MMP16: variants seen among roughly 807,000 people sequenced by gnomAD.
MMP16 encodes the protein matrix metallopeptidase 16, also known as matrix metalloproteinase-16.
A neutral mutation model predicts 67.8 loss-of-function variants in MMP16; 12 were observed. The ratio of observed to expected loss-of-function variants is 0.18; its 90% CI spans 0.11 to 0.29. MMP16 has a LOEUF of 0.29. Ranked by LOEUF, MMP16 falls within the 10% of genes least tolerant of loss-of-function variation. The pLI, the probability that MMP16 is intolerant of heterozygous loss-of-function variation, is 1.00. For synonymous variants in MMP16, 249 were observed against 255.9 expected (o/e 0.97, Z 0.26); for missense variants, 475 against 765.7 (o/e 0.62, Z 4.48).
intron 8 of MMP16, among the ~76,000 whole-genome samples, chr8:88,048,489 C>G (rs529531499): frequency 6.6e-6 from 1 of 152,146 alleles, no homozygotes; most frequent in Non-Finnish European, 1.5e-5. Flanking sequence ...AGTGATATCA[C>G]CTATTTCGGG....
intron 2 of MMP16, among the ~76,000 whole-genome samples, chr8:88,189,601 T>A (rs536195865): frequency 1.3e-5 from 2 of 152,338 alleles, no homozygotes; most frequent in Middle Eastern, 3.4e-3. Flanking sequence ...GTTCTGAGCA[T>A]GAAATGCCTT....
chr8:88,292,435 G>C lies in MMP16; in HGVS notation c.132+34640C>G, dbSNP rs146797641. ...CTTAACCCGTGTGAACACCAGGTGA[G>C]GGGCCCTCGCCACTAGGTGCAGCTA... On this transcript the variant is annotated intron_variant, in intron 1 of 9. Coordinates refer to ENST00000286614, the MANE Select transcript of MMP16 (RefSeq NM_005941.5). Among the ~76,000 whole-genome samples, 3 of 152,146 alleles carry C rather than the reference G, an allele frequency of 2.0e-5. No homozygotes were observed. In the South Asian group the frequency reaches 6.2e-4, roughly 32 times the overall value.
intron 4 of MMP16, among the ~76,000 whole-genome samples, chr8:88,119,985 G>A (rs898080773): frequency 2.0e-5 from 3 of 151,854 alleles, no homozygotes; most frequent in South Asian, 2.1e-4. Context: ...AAAGCCAGGC[G>A]AAAAACCAAC....
At position 88,159,207 on chromosome 8, in the gene MMP16, T is replaced by A. The variant is rs150977071; in HGVS notation, c.709+8462A>T. Among the ~76,000 whole-genome samples, 85 of 152,290 alleles carry A rather than the reference T, an allele frequency of 5.6e-4. 2 individuals carry two copies. The East Asian group carries it at 0.016, about 28-fold the overall frequency. On this transcript the variant is annotated intron_variant, in intron 4 of 9. Transcript: ENST00000286614. ...GTTTTTTCCAATTCTGTGAAGAAAG[T>A]CATTGGTAGCTTGAGGGGGATGGCA... is the stretch of plus-strand genomic sequence containing the variant.
At chr8:88,135,262 A>G (rs1186712859) in intron 4 of MMP16, among the ~76,000 whole-genome samples, 1 of 151,880 alleles carries the variant, frequency 6.6e-6, no homozygotes, top group Non-Finnish European at 1.5e-5. Flanking sequence ...AAACTCAAAA[A>G]TACAAATAGC....
chr8:88,167,614 G>C, intron 4 of MMP16, 55 bp downstream of exon 4: 1 of 1,465,368 alleles, frequency 6.8e-7, no homozygotes, highest in Non-Finnish European at 9.2e-7. Flanking sequence ...AAATCTCTTG[G>C]TTATTCTGAA....
chr8:88,223,487 T>C (rs1809718774), intron 1 of MMP16, among the ~76,000 whole-genome samples: 1 of 151,858 alleles, frequency 6.6e-6, no homozygotes, highest in Non-Finnish European at 1.5e-5. Context: ...ATGTGGCACA[T>C]ATATACCATG....
At chr8:88,291,519 T>A (rs1331486004) in intron 1 of MMP16, among the ~76,000 whole-genome samples, 3 of 152,162 alleles carry the variant, frequency 2.0e-5, no homozygotes, top group Non-Finnish European at 4.4e-5. Flanking sequence ...AGTCTAATGA[T>A]CATTGTTCAC....
chr8:88,223,560 G>A (rs2129852962), intron 1 of MMP16, among the ~76,000 whole-genome samples: 1 of 151,774 alleles, frequency 6.6e-6, no homozygotes, highest in South Asian at 2.1e-4. Context: ...GATGAAGCTG[G>A]AAACCATCAT....
chr8:88,193,005 A>G (rs184938595), intron 2 of MMP16, among the ~76,000 whole-genome samples: 1 of 152,236 alleles, frequency 6.6e-6, no homozygotes, highest in African/African-American at 2.4e-5. Flanking sequence ...GAGGTTCCTC[A>G]AAAAACTAAA....
At chr8:88,070,054 T>C (rs926039307) in intron 7 of MMP16, among the ~76,000 whole-genome samples, 1 of 152,166 alleles carries the variant, frequency 6.6e-6, no homozygotes, top group African/African-American at 2.4e-5. Context: ...ATCAATCAGA[T>C]TGTCTATAAA....
At chr8:88,107,618 T>C (rs1809264992) in intron 6 of MMP16, among the ~76,000 whole-genome samples, 1 of 151,218 alleles carries the variant, frequency 6.6e-6, no homozygotes, top group Non-Finnish European at 1.5e-5. Flanking sequence ...ATAGGATACA[T>C]CTTTCTATTT....
intron 1 of MMP16, among the ~76,000 whole-genome samples, chr8:88,294,554 G>T (rs1302049032): frequency 2.7e-5 from 4 of 150,086 alleles, no homozygotes; most frequent in African/African-American, 9.8e-5. Context: ...ATGTATATAT[G>T]TCTCTATACA....
rs545668116 is a variant in MMP16, at chr8:88,295,003, G to A, written c.132+32072C>T. On this transcript the variant is annotated intron_variant, in intron 1 of 9. Transcript: ENST00000286614. ...GCTGGCATTACAGGCATGAGCCACCGGGCCTGGCATGGACCTGACATTTCA... is the reference window on the plus strand; with the variant it reads ...GCTGGCATTACAGGCATGAGCCACCAGGCCTGGCATGGACCTGACATTTCA... Among the ~76,000 whole-genome samples the A allele has an allele frequency of 2.0e-5, 3 of 152,262 alleles. No homozygotes were observed. In the South Asian group the frequency reaches 6.2e-4, roughly 32 times the overall value.
chr8:88,170,966 G>A (rs1461116807), intron 3 of MMP16, among the ~76,000 whole-genome samples: 1 of 152,166 alleles, frequency 6.6e-6, no homozygotes, highest in African/African-American at 2.4e-5. Flanking sequence ...TTCAGTATGT[G>A]TTCTGAGAGA....
chr8:88,235,124 T>C (rs997374740), intron 1 of MMP16, among the ~76,000 whole-genome samples: 1 of 152,110 alleles, frequency 6.6e-6, no homozygotes, highest in Non-Finnish European at 1.5e-5. Context: ...ACTGACTTTT[T>C]AAAAAAGTTT....
intron 4 of MMP16, among the ~76,000 whole-genome samples, chr8:88,127,968 C>T (rs1282543513): frequency 6.6e-6 from 1 of 151,766 alleles, no homozygotes; most frequent in African/African-American, 2.4e-5. Context: ...TAAGGGCTGG[C>T]TCATAACAAG....
At chr8:88,198,961 T>C (rs925912885) in intron 1 of MMP16, among the ~76,000 whole-genome samples, 12 of 152,044 alleles carry the variant, frequency 7.9e-5, no homozygotes, top group Non-Finnish European at 1.8e-4. Flanking sequence ...AGGCAGGCAA[T>C]ATTATTTAAT....
chr8:88,162,533 C>T (rs1041136035), intron 4 of MMP16, among the ~76,000 whole-genome samples: 17 of 152,072 alleles, frequency 1.1e-4, no homozygotes, highest in Middle Eastern at 3.4e-3. Context: ...ATATCAAGTC[C>T]TTCCCTTTTC....
Sources: allele counts gnomAD v4.1 joint callset (sites outside exome capture counted in the v4.1 genomes callset), GRCh38; gene constraint gnomAD v4.1.1; transcripts MANE v1.5; gene names NCBI Gene and HGNC (gene_info 2026-07-23, HGNC 2026-07-21).